The following GPAM variants were observed in gnomAD, a reference collection of about 807,000 sequenced individuals.
GPAM encodes the protein glycerol-3-phosphate acyltransferase 1, mitochondrial.
A neutral mutation model predicts 105.0 loss-of-function variants in GPAM; 56 were observed. The ratio of observed to expected loss-of-function variants is 0.53; its 90% CI spans 0.43 to 0.67. The LOEUF (loss-of-function observed/expected upper bound fraction) is 0.67, where lower values mean the gene tolerates loss of function less well. GPAM is among the 30% of genes least tolerant of loss of function. The probability of loss-of-function intolerance (pLI) is 0.00; values close to 1 mark genes in which losing one functional copy is unlikely to be tolerated. For missense variants in GPAM, 855 were observed against 989.8 expected, an observed-to-expected ratio of 0.86 and a Z score of 1.83; for synonymous variants, 368 against 354.4, an observed-to-expected ratio of 1.04 and a Z score of -0.43.
At chr10:112,175,231 T>C (rs1423243585) in intron 6 of GPAM, among the ~76,000 whole-genome samples, 1 of 152,186 alleles carries the variant, frequency 6.6e-6, no homozygotes, top group Non-Finnish European at 1.5e-5. Flanking sequence ...GGCAAAAATA[T>C]CAAACTCAAT....
intron 1 of GPAM, among the ~76,000 whole-genome samples, chr10:112,197,821 C>T (rs562105550): frequency 6.6e-6 from 1 of 152,148 alleles, no homozygotes; most frequent in East Asian, 1.9e-4. Context: ...ATGAACTCAT[C>T]CTTTTTTATG....
At chr10:112,226,755 G>A in the GPAM span, among the ~76,000 whole-genome samples, 2 of 152,198 alleles carry the variant, frequency 1.3e-5, no homozygotes, top group South Asian at 2.1e-4. Context: ...CATATGGAAC[G>A]TGTTCTGCTA....
At position 112,152,826 on chromosome 10, in the gene GPAM, CAA is replaced by C. The variant is rs1302290771; in HGVS notation, c.*722_*723del. ...AAGCCTTCAACACCAGTTTTCTGGC[CAA>C]GTTTCCCTAGAATTTTGCCAGCCAA... is the stretch of plus-strand genomic sequence containing the variant. On this transcript the variant is annotated 3_prime_UTR_variant, in exon 22 of 22. Coordinates refer to ENST00000348367, the MANE Select transcript of GPAM (RefSeq NM_001244949.2). 2.6e-6 allele frequency: 1 copy of C among 388,912 alleles called. No homozygotes were observed. The highest frequency in any genetic ancestry group is 2.2e-5 in the African/African-American group (1 of 45,780). The allele number at this position is 388,912 out of a possible 1,614,324, so 24.1% of individuals were successfully genotyped here.
chr10:112,196,188 G>T (rs1280458244), intron 1 of GPAM, among the ~76,000 whole-genome samples: 4 of 152,254 alleles, frequency 2.6e-5, no homozygotes, highest in African/African-American at 9.6e-5. Flanking sequence ...TATTTTTATT[G>T]TTTCTCCCTC....
chr10:112,162,129 C>T (rs1020804338), intron 14 of GPAM, among the ~76,000 whole-genome samples: 2 of 152,206 alleles, frequency 1.3e-5, no homozygotes, highest in Non-Finnish European at 2.9e-5. Context: ...AACTACAACT[C>T]TACTTCACTC....
At chr10:112,171,067 A>G (rs1847304846) in intron 9 of GPAM, among the ~76,000 whole-genome samples, 8 of 152,184 alleles carry the variant, frequency 5.3e-5, no homozygotes. Flanking sequence ...GTCTCTTTCT[A>G]AATTCATGCT....
upstream of GPAM, among the ~76,000 whole-genome samples, chr10:112,217,958 G>A (rs11195843): frequency 0.074 from 11,196 of 152,278 alleles, 456 homozygotes; most frequent in Middle Eastern, 0.18. Context: ...CATTGTTTAT[G>A]GAGAAAATGG....
the GPAM span, among the ~76,000 whole-genome samples, chr10:112,223,530 C>G: frequency 6.6e-6 from 1 of 152,246 alleles, no homozygotes; most frequent in African/African-American, 2.4e-5. Context: ...GGAACCTATA[C>G]AGTGATACCT....
At chr10:112,207,168 G>C (rs1418878997) in intron 1 of GPAM, among the ~76,000 whole-genome samples, 1 of 152,210 alleles carries the variant, frequency 6.6e-6, no homozygotes, top group African/African-American at 2.4e-5. Flanking sequence ...CAAATGAAGG[G>C]AGAGGTACCA....
the GPAM span, among the ~76,000 whole-genome samples, chr10:112,225,820 A>G: frequency 1.6e-4 from 25 of 152,196 alleles, no homozygotes; most frequent in Non-Finnish European, 7.4e-5. Flanking sequence ...CAGCTTCTTA[A>G]TGGCAAGCAT....
rs1846913774 is a variant in GPAM at position 112,151,291 on chromosome 10, C to T, written c.*2259G>A. 2.0e-6 allele frequency: 2 copies of T among 985,460 alleles called. No homozygotes were observed. Among genetic ancestry groups the T allele is most frequent in the South Asian group, 9.4e-5 (2 of 21,274 alleles). 61.0% of individuals were successfully genotyped at this position (985,460 alleles called of 1,614,324 possible). A position where few individuals can be genotyped will look rare whatever the true frequency, so the allele number is the denominator to read the frequency against. On this transcript the variant is annotated 3_prime_UTR_variant, in exon 22 of 22. Coordinates refer to ENST00000348367, the MANE Select transcript of GPAM (RefSeq NM_001244949.2). ...GAATGTATCTTTTAGCAAAACGGTG[C>T]TATCTGGAAGCTTCATTGTGAAGAT...
At chr10:112,164,972 G>A (rs1371611521) in intron 12 of GPAM, among the ~76,000 whole-genome samples, 2 of 152,118 alleles carry the variant, frequency 1.3e-5, no homozygotes, top group Non-Finnish European at 2.9e-5. Context: ...GGCAACCCAA[G>A]GGTCACATTA....
At chr10:112,181,212 T>G (rs894441581) in intron 3 of GPAM, among the ~76,000 whole-genome samples, 1 of 151,626 alleles carries the variant, frequency 6.6e-6, no homozygotes, top group Admixed American at 6.6e-5. Context: ...CCATTTTTTA[T>G]ATAAAGACAA....
At position 112,153,580 on chromosome 10, in the gene GPAM, T is replaced by G. The variant is rs146130725; in HGVS notation, c.2457A>C (p.Leu819=). The G allele has an allele frequency of 1.2e-6, 2 of 1,614,060 alleles. No homozygotes were observed. Among genetic ancestry groups the G allele is most frequent in the African/African-American group, 1.3e-5 (1 of 75,050 alleles). ...GCACCACAAAACTCAGAATATATTC[T>G]AGAAGTTTTTGTCGGTTGCATTGAG... ...FLPQCNRQKL[L]EYILSFVVL is the part of the protein sequence containing the mutation. Residue 819 remains leucine, a synonymous_variant, in exon 22 of 22, where the codon CTA becomes CTC. Coordinates refer to ENST00000348367, the MANE Select transcript of GPAM (RefSeq NM_001244949.2).
intron 14 of GPAM, 124 bp from the exon 15 acceptor site, chr10:112,161,861 AT>A (rs1564675514): frequency 1.1e-5 from 8 of 749,324 alleles, no homozygotes; most frequent in Non-Finnish European, 1.7e-5. Flanking sequence ...CACATTTCCC[AT>A]AAGTGTGATT....
At chr10:112,221,028 G>A in the GPAM span, among the ~76,000 whole-genome samples, 2 of 152,130 alleles carry the variant, frequency 1.3e-5, no homozygotes, top group Non-Finnish European at 2.9e-5. Context: ...ACATCCAATG[G>A]CATCTACTAT....
At chr10:112,187,018 C>T (rs1038440169), upstream of GPAM, among the ~76,000 whole-genome samples, 4 of 152,168 alleles carry the variant, frequency 2.6e-5, no homozygotes, top group Non-Finnish European at 4.4e-5. Context: ...GTATAATATA[C>T]TTGAAGGTAA....
intron 9 of GPAM, among the ~76,000 whole-genome samples, chr10:112,170,599 C>T (rs1289118975): frequency 1.3e-5 from 2 of 152,198 alleles, no homozygotes; most frequent in Non-Finnish European, 2.9e-5. Context: ...TAGTCCTCTT[C>T]CCTCTAAGTC....
Position 112,172,325 on chromosome 10 carries a change from A to G in GPAM, c.658-7T>C, listed in dbSNP as rs1847327243. 2 of 1,612,272 alleles carry G rather than the reference A, an allele frequency of 1.2e-6. No individual in the cohort carries two copies. Among genetic ancestry groups the G allele is most frequent in the African/African-American group, 1.3e-5 (1 of 74,894 alleles). ...ACAGAAGCGGCAAATTCGTCTAGCA[A>G]AGGGAAAAATGCCAAATTTAAAACT... On this transcript the variant is annotated splice_polypyrimidine_tract_variant and splice_region_variant and intron_variant, in intron 8 of 21. Coordinates refer to ENST00000348367, the MANE Select transcript of GPAM (RefSeq NM_001244949.2).
Sources: gnomAD v4.1 joint callset for allele counts (sites outside exome capture counted in the v4.1 genomes callset) on GRCh38, gnomAD v4.1.1 for gene constraint, MANE v1.5 for transcripts, NCBI Gene and HGNC (gene_info 2026-07-23, HGNC 2026-07-21) for gene names.